RNF111: variants seen among roughly 807,000 people sequenced by gnomAD.
The protein encoded by RNF111 is ring finger protein 111, also known as E3 ubiquitin-protein ligase Arkadia.
RNF111 carries 17 observed loss-of-function variants against 95.1 expected under a neutral mutation model. The ratio of observed to expected loss-of-function variants is 0.18; its 90% CI spans 0.12 to 0.27. The LOEUF is 0.27. RNF111 is among the 10% of genes least tolerant of loss of function. The probability of loss-of-function intolerance (pLI) is 1.00; values close to 1 mark genes in which losing one functional copy is unlikely to be tolerated. For missense variants in RNF111, 1,189 were observed against 1,210.4 expected, an observed-to-expected ratio of 0.98 and a Z score of 0.26; for synonymous variants, 440 against 414.8, an observed-to-expected ratio of 1.06 and a Z score of -0.74.
At chr15:59,055,498 G>A (rs1048140888) in intron 3 of RNF111, among the ~76,000 whole-genome samples, 184 bp from the exon 4 acceptor site, 1 of 104,896 alleles carries the variant, frequency 9.5e-6, no homozygotes, top group African/African-American at 4.4e-5. Flanking sequence ...GTACAACATA[G>A]TATTTCTTAT....
chr15:59,084,354 G>A, intron 9 of RNF111, 100 bp downstream of exon 9: 1 of 1,197,218 alleles, frequency 8.4e-7, no homozygotes, highest in Non-Finnish European at 1.1e-6. Flanking sequence ...AGGATGATGT[G>A]GAGAAACCTA....
At chr15:59,047,878 T>G (rs2041791209) in intron 2 of RNF111, among the ~76,000 whole-genome samples, 1 of 152,232 alleles carries the variant, frequency 6.6e-6, no homozygotes, top group Non-Finnish European at 1.5e-5. Context: ...TCCAGCCTAC[T>G]TATTTTAGAA....
At chr15:59,024,842 C>T (rs1422876104) in intron 1 of RNF111, among the ~76,000 whole-genome samples, 2 of 152,160 alleles carry the variant, frequency 1.3e-5, no homozygotes, top group Admixed American at 6.5e-5. Flanking sequence ...CTCCCCCTCC[C>T]TCAGGTCCTC....
intron 3 of RNF111, among the ~76,000 whole-genome samples, chr15:59,054,694 G>A (rs1454655614): frequency 1.3e-5 from 2 of 152,092 alleles, no homozygotes; most frequent in East Asian, 1.9e-4. Context: ...TTCTATAATC[G>A]TTGAAGTTCA....
chr15:58,996,787 C>T (rs1456135573), intron 1 of RNF111, among the ~76,000 whole-genome samples: 3 of 147,152 alleles, frequency 2.0e-5, no homozygotes, highest in African/African-American at 5.0e-5. Context: ...TGTGTTTTTT[C>T]AAAGTAATAT....
At chr15:59,087,087 A>T (rs747951878) in intron 10 of RNF111, among the ~76,000 whole-genome samples, 1 of 152,158 alleles carries the variant, frequency 6.6e-6, no homozygotes, top group East Asian at 1.9e-4. Flanking sequence ...CTGAATCTCT[A>T]TGAAAGTTGA....
chr15:59,093,336 TC>T (rs1481115093), intron 13 of RNF111: 120 of 397,748 alleles, frequency 3.0e-4, no homozygotes, highest in Middle Eastern at 8.6e-4. Flanking sequence ...TTTTACAGCA[TC>T]TTTTTTTTTT....
At chr15:59,074,849 G>A (rs920465032) in intron 6 of RNF111, among the ~76,000 whole-genome samples, 2 of 152,028 alleles carry the variant, frequency 1.3e-5, no homozygotes, top group Non-Finnish European at 2.9e-5. Context: ...ATCATTTCTC[G>A]GTTTTGGTTT....
chr15:59,071,724 A>G (rs544021471), intron 6 of RNF111, among the ~76,000 whole-genome samples: 1 of 152,178 alleles, frequency 6.6e-6, no homozygotes, highest in East Asian at 1.9e-4. Context: ...TTGGAGGAAA[A>G]TATTACTGAT....
At chr15:58,988,693 A>C (rs1255013684) in intron 1 of RNF111, among the ~76,000 whole-genome samples, 1 of 152,256 alleles carries the variant, frequency 6.6e-6, no homozygotes, top group African/African-American at 2.4e-5. Flanking sequence ...TAGTAGATAG[A>C]TCTTTACAGA....
chr15:59,085,902 T>G, intron 10 of RNF111, 117 bp downstream of exon 10: 1 of 896,288 alleles, frequency 1.1e-6, no homozygotes, highest in African/African-American at 1.7e-5. Flanking sequence ...GAGAGTAATC[T>G]TGTTAGCTAA....
chr15:59,035,937 C>T (rs1448108466), intron 2 of RNF111, among the ~76,000 whole-genome samples: 2 of 152,168 alleles, frequency 1.3e-5, no homozygotes, highest in African/African-American at 4.8e-5. Flanking sequence ...GCCAGTTACC[C>T]AGTTCGAAAG....
At chr15:59,073,507 C>A (rs539608098) in intron 6 of RNF111, among the ~76,000 whole-genome samples, 1 of 151,878 alleles carries the variant, frequency 6.6e-6, no homozygotes, top group Non-Finnish European at 1.5e-5. Context: ...AAATAAACTA[C>A]TTTCTTTGCT....
chr15:58,997,777 C>G (rs191489990), intron 1 of RNF111, among the ~76,000 whole-genome samples: 1 of 150,558 alleles, frequency 6.6e-6, no homozygotes, highest in Admixed American at 6.6e-5. Context: ...GATTGCGCCA[C>G]TGCACTCCAG....
At chr15:59,034,512 T>C (rs1041289485) in intron 2 of RNF111, among the ~76,000 whole-genome samples, 29 of 152,222 alleles carry the variant, frequency 1.9e-4, no homozygotes, top group African/African-American at 6.8e-4. Flanking sequence ...AGTACTCTTA[T>C]GAGATGGATT....
chr15:59,025,069 C>T (rs2040533315), intron 1 of RNF111, among the ~76,000 whole-genome samples: 1 of 152,252 alleles, frequency 6.6e-6, no homozygotes, highest in South Asian at 2.1e-4. Flanking sequence ...TTCATCACTT[C>T]AGTGGACACT....
intron 1 of RNF111, among the ~76,000 whole-genome samples, chr15:59,006,409 C>T (rs1175033824): frequency 6.6e-6 from 1 of 152,166 alleles, no homozygotes; most frequent in African/African-American, 2.4e-5. Context: ...TTTTTGACAT[C>T]ATAGATGAGT....
intron 6 of RNF111, among the ~76,000 whole-genome samples, chr15:59,071,845 C>A (rs922760026): frequency 6.6e-6 from 1 of 152,056 alleles, no homozygotes; most frequent in African/African-American, 2.4e-5. Flanking sequence ...AGGTTTGGTT[C>A]CAGACAACCA....
At chr15:59,029,523 G>T (rs1596133973) in intron 1 of RNF111, among the ~76,000 whole-genome samples, 1 of 152,138 alleles carries the variant, frequency 6.6e-6, no homozygotes, top group East Asian at 1.9e-4. Context: ...GTCATTCTAT[G>T]CCTTAATTAT....
Sources: gnomAD v4.1 joint callset for allele counts (sites outside exome capture counted in the v4.1 genomes callset) on GRCh38, gnomAD v4.1.1 for gene constraint, MANE v1.5 for transcripts, NCBI Gene and HGNC (gene_info 2026-07-23, HGNC 2026-07-21) for gene names.